GRID1: variants seen among roughly 807,000 people sequenced by gnomAD.
The protein encoded by GRID1 is glutamate receptor ionotropic, delta-1.
In GRID1, 28 loss-of-function variants were observed where a neutral mutation model predicts 98.0. The ratio of observed to expected loss-of-function variants is 0.29; its 90% confidence interval spans 0.21 to 0.39. GRID1 has a LOEUF of 0.39. GRID1 is among the 10% of genes least tolerant of loss of function. GRID1 has a pLI of 1.00. For synonymous variants in GRID1, 553 were observed against 538.5 expected, an observed-to-expected ratio of 1.03 and a Z score of -0.37; for missense variants, 1,111 against 1,340.5, an observed-to-expected ratio of 0.83 and a Z score of 2.67.
At chr10:85,878,205 T>C (rs1166432778) in intron 5 of GRID1, among the ~76,000 whole-genome samples, 2 of 152,158 alleles carry the variant, frequency 1.3e-5, no homozygotes, top group Non-Finnish European at 2.9e-5. Flanking sequence ...TGCAGGGTAT[T>C]ATCCAGGAGA....
intron 8 of GRID1, among the ~76,000 whole-genome samples, chr10:85,835,306 C>T (rs1195797129): frequency 6.6e-6 from 1 of 152,156 alleles, no homozygotes; most frequent in Non-Finnish European, 1.5e-5. Context: ...CTGAACAACA[C>T]AATTGATATG....
chr10:85,843,520 T>A (rs1396877197), intron 8 of GRID1, among the ~76,000 whole-genome samples: 2 of 152,024 alleles, frequency 1.3e-5, no homozygotes, highest in African/African-American at 4.8e-5. Flanking sequence ...TGCAATAAAA[T>A]GATTGCAAAC....
At chr10:86,199,809 T>C (rs1490496299) in intron 3 of GRID1, among the ~76,000 whole-genome samples, 2 of 152,068 alleles carry the variant, frequency 1.3e-5, no homozygotes, top group Non-Finnish European at 2.9e-5. Flanking sequence ...TTCTGCCCTT[T>C]TGTTTGCAGA....
chr10:85,611,141 CTCTTT>C (rs1554858626), intron 15 of GRID1, among the ~76,000 whole-genome samples: 5 of 152,144 alleles, frequency 3.3e-5, no homozygotes, highest in Non-Finnish European at 5.9e-5. Flanking sequence ...CCATTTTTTT[CTCTTT>C]TCTTTTCTGT....
intron 5 of GRID1, among the ~76,000 whole-genome samples, chr10:85,903,918 T>C (rs187738830): frequency 1.6e-3 from 251 of 152,318 alleles, no homozygotes; most frequent in African/African-American, 5.6e-3. Context: ...AGATTTCTCA[T>C]GGGCACCCTA....
chr10:85,826,243 G>A (rs1842818891), intron 8 of GRID1, among the ~76,000 whole-genome samples: 2 of 152,300 alleles, frequency 1.3e-5, no homozygotes, highest in South Asian at 4.1e-4. Context: ...GCTAAGGCAG[G>A]AGAATCGCTT....
intron 2 of GRID1, among the ~76,000 whole-genome samples, chr10:86,255,185 A>T (rs1846898734): frequency 6.6e-6 from 1 of 152,258 alleles, no homozygotes; most frequent in Non-Finnish European, 1.5e-5. Flanking sequence ...GCAAGCCAAG[A>T]TGCAAACATG....
At chr10:86,096,058 G>T (rs1844216960) in intron 4 of GRID1, among the ~76,000 whole-genome samples, 1 of 152,200 alleles carries the variant, frequency 6.6e-6, no homozygotes, top group African/African-American at 2.4e-5. Context: ...TGACCTGGAT[G>T]AGACTGGAGA....
chr10:86,357,747 G>A (rs1001545253), intron 2 of GRID1, among the ~76,000 whole-genome samples: 1 of 152,164 alleles, frequency 6.6e-6, no homozygotes, highest in Non-Finnish European at 1.5e-5. Context: ...AGTTCAGCAC[G>A]GGCTTGTGGG....
At chr10:86,363,422 A>T (rs551687063) in intron 2 of GRID1, among the ~76,000 whole-genome samples, 1 of 152,300 alleles carries the variant, frequency 6.6e-6, no homozygotes, top group East Asian at 1.9e-4. Flanking sequence ...CGCCGGGCTG[A>T]GGCTCTGGGG....
At chr10:86,175,085 A>T (rs1392312445) in intron 3 of GRID1, among the ~76,000 whole-genome samples, 1 of 152,234 alleles carries the variant, frequency 6.6e-6, no homozygotes, top group African/African-American at 2.4e-5. Context: ...CCCACAAGGC[A>T]GCACACCAGT....
At chr10:86,303,976 A>G (rs559555015) in intron 2 of GRID1, among the ~76,000 whole-genome samples, 1 of 152,300 alleles carries the variant, frequency 6.6e-6, no homozygotes, top group East Asian at 1.9e-4. Flanking sequence ...ATTGGTCATT[A>G]CTTCTCGTTG....
chr10:86,284,542 C>A (rs543816281), intron 2 of GRID1, among the ~76,000 whole-genome samples: 1 of 152,236 alleles, frequency 6.6e-6, no homozygotes, highest in Admixed American at 6.5e-5. Flanking sequence ...CCTACCACTG[C>A]GGAGTTGAAC....
intron 2 of GRID1, among the ~76,000 whole-genome samples, chr10:86,293,726 G>A (rs1247535060): frequency 6.6e-6 from 1 of 152,058 alleles, no homozygotes; most frequent in Non-Finnish European, 1.5e-5. Context: ...GGAGGGGTGG[G>A]GGAGGAGACA....
At chr10:85,929,333 G>A (rs915511478) in intron 4 of GRID1, among the ~76,000 whole-genome samples, 29 of 152,222 alleles carry the variant, frequency 1.9e-4, no homozygotes, top group African/African-American at 6.5e-4. Context: ...GGGGTCCACC[G>A]AAGGTGTCTT....
chr10:86,262,850 C>T (rs750545498), intron 2 of GRID1, among the ~76,000 whole-genome samples: 2 of 152,108 alleles, frequency 1.3e-5, no homozygotes, highest in African/African-American at 2.4e-5. Context: ...GGAGGCTTGG[C>T]GACAGAGAGC....
rs149339714 is a variant in GRID1 at position 86,103,925 on chromosome 10, A to T, written c.726+34894T>A. Among the ~76,000 whole-genome samples, 580 of 152,200 alleles carry T rather than the reference A, an allele frequency of 3.8e-3. 3 individuals are homozygous for T. The highest frequency in any genetic ancestry group is 0.013 in the African/African-American group (545 of 41,526). On this transcript the variant is annotated intron_variant, in intron 4 of 15. Coordinates refer to ENST00000327946, the MANE Select transcript of GRID1 (RefSeq NM_017551.3). ...CACAGCCCTCATGGTGTTGCCTCCC[A>T]ATCTCATTCATCACAACTGTTCCTC...
chr10:86,246,568 T>C (rs1846730905), intron 2 of GRID1, among the ~76,000 whole-genome samples: 1 of 152,166 alleles, frequency 6.6e-6, no homozygotes, highest in Non-Finnish European at 1.5e-5. Flanking sequence ...CATCTCCCCT[T>C]GCTGGCATTC....
intron 4 of GRID1, among the ~76,000 whole-genome samples, chr10:85,979,127 C>T (rs4934141): frequency 0.14 from 21,156 of 152,100 alleles, 1,511 homozygotes; most frequent in African/African-American, 0.18. Flanking sequence ...TGGCTGCACA[C>T]AGCTGAGGAC....
Sources: allele counts gnomAD v4.1 joint callset (sites outside exome capture counted in the v4.1 genomes callset), GRCh38; gene constraint gnomAD v4.1.1; transcripts MANE v1.5; gene names NCBI Gene and HGNC (gene_info 2026-07-23, HGNC 2026-07-21).